TMEM218: variants seen among roughly 807,000 people sequenced by gnomAD.
TMEM218 encodes the protein transmembrane protein 218.
A neutral mutation model predicts 10.0 loss-of-function variants in TMEM218; 8 were observed. The observed-to-expected ratio is 0.80, with a 90% CI of 0.47 to 1.44. TMEM218 has a LOEUF of 1.44. Ranked by LOEUF, TMEM218 falls within the 40% of genes most tolerant of loss-of-function variation. The probability of loss-of-function intolerance (pLI) is 0.00; values close to 1 mark genes in which losing one functional copy is unlikely to be tolerated. For synonymous variants in TMEM218, 66 were observed against 63.5 expected, an observed-to-expected ratio of 1.04 and a Z score of -0.18; for missense variants, 110 against 140.1, an observed-to-expected ratio of 0.79 and a Z score of 1.08.
At chr11:125,111,113 C>T (rs889871491) in intron 1 of TMEM218, among the ~76,000 whole-genome samples, 4 of 152,156 alleles carry the variant, frequency 2.6e-5, no homozygotes, top group Non-Finnish European at 5.9e-5. Flanking sequence ...GGAAGCGCTG[C>T]AGAGCCTCGG....
intron 1 of TMEM218, among the ~76,000 whole-genome samples, chr11:125,109,609 T>C (rs1269437375): frequency 1.3e-5 from 2 of 152,212 alleles, no homozygotes; most frequent in African/African-American, 2.4e-5. Context: ...GGCAGCAGGA[T>C]GCATATGAAT....
rs1444972747 is a variant in TMEM218 at position 125,101,246 on chromosome 11, A to G, written c.168T>C (p.Leu56=). Residue 56 remains leucine (L), a synonymous_variant, in exon 4 of 5, where the codon CTT becomes CTC. Coordinates refer to ENST00000682305, the MANE Select transcript of TMEM218 (RefSeq NM_001258244.2). The part of the protein sequence containing the change: ...GAVIITSVLL[L]FPRAGEFPAP... The stretch of plus-strand genomic sequence containing the variant: ...CTGGGAATTCACCAGCTCGCGGGAA[A>G]AGCAACAGAACTGATGTGATGATCA... 5 of 1,613,844 alleles carry G rather than the reference A, an allele frequency of 3.1e-6. No homozygotes were observed. In the South Asian group the frequency reaches 4.4e-5, roughly 14 times the overall value.
chr11:125,102,347 A>G (rs1951007974), intron 2 of TMEM218, 30 bp from the exon 3 acceptor site: 1 of 1,542,112 alleles, frequency 6.5e-7, no homozygotes, highest in South Asian at 1.2e-5. Flanking sequence ...ACAAATACAG[A>G]AAGCCTAAAC....
chr11:125,098,823 G>C (rs1426030358), intron 4 of TMEM218, among the ~76,000 whole-genome samples: 1 of 152,210 alleles, frequency 6.6e-6, no homozygotes, highest in Non-Finnish European at 1.5e-5. Flanking sequence ...GAGAGGGTCA[G>C]AGCAAGAGAG....
intron 4 of TMEM218, among the ~76,000 whole-genome samples, chr11:125,098,394 C>G (rs1307565285): frequency 6.6e-6 from 1 of 152,210 alleles, no homozygotes; most frequent in African/African-American, 2.4e-5. Context: ...TCTTTGCTGA[C>G]AAAACCCTAT....
chr11:125,101,498 T>C (rs1950780903), intron 3 of TMEM218, 195 bp from the exon 4 acceptor site: 2 of 1,523,454 alleles, frequency 1.3e-6, no homozygotes, highest in Non-Finnish European at 1.8e-6. Context: ...TGCATTCCCA[T>C]TTATTCTTGG....
Position 125,096,014 on chromosome 11 carries a change from C to T in TMEM218, c.*1592G>A, listed in dbSNP as rs1279003431. ...CCAGCTTGTCTCAATTCCCTCAAGA[C>T]TTATGCATTCTTTTTTCTCTCCCTC... On this transcript the variant is annotated 3_prime_UTR_variant, in exon 5 of 5. Coordinates refer to ENST00000682305, the MANE Select transcript of TMEM218 (RefSeq NM_001258244.2). 6.6e-6 allele frequency among the ~76,000 whole-genome samples: 1 copy of T among 152,158 alleles called. No homozygotes were observed. The highest frequency in any genetic ancestry group is 2.4e-5 in the African/African-American group (1 of 41,430).
chr11:125,108,929 G>A lies in TMEM218; in HGVS notation c.-153+2610C>T, dbSNP rs913739422. 1.3e-5 allele frequency among the ~76,000 whole-genome samples: 2 copies of A among 152,060 alleles called. No homozygotes were observed. The highest frequency in any genetic ancestry group is 2.9e-5 in the Non-Finnish European group (2 of 68,018). ...AACCCCAGTAGTGCCTCCAATCAAA[G>A]AATAACAAAATACATCTTCACAAAT... On this transcript the variant is annotated intron_variant, in intron 1 of 4. Transcript: ENST00000682305. The surrounding 1 kb of genome is among the most constrained non-coding windows in gnomAD (Gnocchi z 5.3).
At chr11:125,103,874 G>C (rs1233050082) in intron 1 of TMEM218, 1 of 152,054 alleles carries the variant, frequency 6.6e-6, no homozygotes, top group African/African-American at 2.4e-5. Flanking sequence ...GCTATGAGAA[G>C]TTATAAAGTT....
chr11:125,103,588 G>T (rs1206690900), intron 1 of TMEM218: 2 of 152,110 alleles, frequency 1.3e-5, no homozygotes, highest in Non-Finnish European at 2.9e-5. Context: ...TGGATTTAGG[G>T]TCTGTACAAA....
chr11:125,104,270 G>A (rs890294747), intron 1 of TMEM218: 1 of 152,228 alleles, frequency 6.6e-6, no homozygotes, highest in Non-Finnish European at 1.5e-5. Context: ...GGCCACATGG[G>A]CGCCATCTCG....
chr11:125,110,432 G>C (rs1273709035), intron 1 of TMEM218: 1 of 152,214 alleles, frequency 6.6e-6, no homozygotes, highest in African/African-American at 2.4e-5. Flanking sequence ...TTTTCTCTGA[G>C]AGAGTTTGTT....
rs192966803 is a variant in TMEM218, at chr11:125,096,411, C to A, written c.*1195G>T. ...AGTGTGTTTTCTCTCTGAGACAAGC[C>A]CTGGGGCCTACCACACCTGGGTTTG... On this transcript the variant is annotated 3_prime_UTR_variant, in exon 5 of 5. Coordinates refer to ENST00000682305, the MANE Select transcript of TMEM218 (RefSeq NM_001258244.2). 6.6e-6 allele frequency: 1 copy of A among 152,282 alleles called. No homozygotes were observed. Among genetic ancestry groups the A allele is most frequent in the East Asian group, 1.9e-4 (1 of 5,174 alleles). The allele number at this position is 152,282 out of a possible 1,614,324, so 9.4% of individuals were successfully genotyped here.
In TMEM218 at chr11:125,095,714, A is replaced by G. The variant is rs1949564027; in HGVS notation, c.*1892T>C. On this transcript the variant is annotated 3_prime_UTR_variant, in exon 5 of 5. Coordinates refer to ENST00000682305, the MANE Select transcript of TMEM218 (RefSeq NM_001258244.2). The stretch of plus-strand genomic sequence containing the variant: ...AAAAAAACAAAAATTAGAAAACAGT[A>G]GTATTAAGGATAGAATTTAGTTTCC... 6.6e-6 allele frequency among the ~76,000 whole-genome samples: 1 copy of G among 152,210 alleles called. No homozygotes were observed.
intron 4 of TMEM218, among the ~76,000 whole-genome samples, chr11:125,099,773 A>C (rs1348043460): frequency 1.3e-5 from 2 of 152,004 alleles, no homozygotes; most frequent in Admixed American, 1.3e-4. Flanking sequence ...AAAATACAAA[A>C]ATTAGCTGGG....
chr11:125,107,475 C>G (rs1952484886), intron 1 of TMEM218, among the ~76,000 whole-genome samples: 1 of 151,888 alleles, frequency 6.6e-6, no homozygotes, highest in South Asian at 2.1e-4. Flanking sequence ...GAAGAATATT[C>G]AGATATTTGA....
intron 3 of TMEM218, chr11:125,101,650 A>G (rs1426194585): frequency 3.2e-6 from 2 of 628,632 alleles, no homozygotes; most frequent in Non-Finnish European, 5.3e-6. Flanking sequence ...AAATTCTACA[A>G]CTCTCTGCTT....
Position 125,095,773 on chromosome 11 carries a change from A to G in TMEM218, c.*1833T>C, listed in dbSNP as rs138830346. On this transcript the variant is annotated 3_prime_UTR_variant, in exon 5 of 5. Transcript: ENST00000682305. ...TACACTTTCCTCCATCTAAATAGTCACCCAAAACCTCATAGTTATTATCCA... is the reference window on the plus strand; with the variant it reads ...TACACTTTCCTCCATCTAAATAGTCGCCCAAAACCTCATAGTTATTATCCA... Among the ~76,000 whole-genome samples the G allele has an allele frequency of 2.1e-3, 313 of 152,294 alleles. 4 individuals are homozygous for G. The highest frequency in any genetic ancestry group is 4.1e-3 in the East Asian group (21 of 5,184).
rs180797571 is a variant in TMEM218, at chr11:125,107,514, T to G, written c.-153+4025A>C. 5.2e-3 allele frequency among the ~76,000 whole-genome samples: 794 copies of G among 152,272 alleles called. 7 individuals are homozygous for G. The highest frequency in any genetic ancestry group is 0.018 in the African/African-American group (765 of 41,562). On this transcript the variant is annotated intron_variant, in intron 1 of 4. Transcript: ENST00000682305. Reference sequence around the variant, plus strand: ...TATTATGAAATTACTGTTTGTATTTTCAGTGAAAAAACACTATTAAAAAGA... The same window carrying G: ...TATTATGAAATTACTGTTTGTATTTGCAGTGAAAAAACACTATTAAAAAGA...
Sources: gnomAD v4.1 joint callset for allele counts (sites outside exome capture counted in the v4.1 genomes callset) on GRCh38, gnomAD v4.1.1 for gene constraint, Gnocchi (gnomAD v3.1) non-coding constraint, MANE v1.5 for transcripts, NCBI Gene and HGNC (gene_info 2026-07-23, HGNC 2026-07-21) for gene names.